TLN2: variants seen among roughly 807,000 people sequenced by gnomAD.
The protein encoded by TLN2 is talin 2.
In TLN2, 118 loss-of-function variants were observed where a neutral mutation model predicts 294.7. The observed-to-expected ratio is 0.40, with a 90% CI of 0.34 to 0.47. The LOEUF is 0.47. Ranked by LOEUF, TLN2 falls within the 20% of genes least tolerant of loss-of-function variation. TLN2 has a pLI of 0.84. For missense variants in TLN2, 3,083 were observed against 3,282.2 expected (o/e 0.94, Z 1.48); for synonymous variants, 1,431 against 1,304.5 (o/e 1.10, Z -2.09).
At chr15:62,710,945 C>T (rs2059393338) in intron 21 of TLN2, among the ~76,000 whole-genome samples, 1 of 151,890 alleles carries the variant, frequency 6.6e-6, no homozygotes, top group African/African-American at 2.4e-5. Context: ...CCAGGATGGT[C>T]TCGATCTCCT....
rs571183963 is a variant in TLN2 at position 62,690,473 on chromosome 15, G to A, written c.1114-2367G>A. On this transcript the variant is annotated intron_variant, in intron 12 of 58. Coordinates refer to ENST00000636159, the MANE Select transcript of TLN2 (RefSeq NM_015059.3). ...TGATGGCGGCCGGCCGGGAAGAGGC[G>A]CTCCTCACTTCTAGATGGGATGGCG... is the stretch of plus-strand genomic sequence containing the variant. The A allele has an allele frequency of 8.8e-4, 30 of 34,090 alleles. 2 individuals carry two copies. Among genetic ancestry groups the A allele is most frequent in the African/African-American group, 1.9e-3 (24 of 12,596 alleles). 2.1% of individuals were successfully genotyped at this position (34,090 alleles called of 1,614,324 possible). A position where few individuals can be genotyped will look rare whatever the true frequency, so the allele number is the denominator to read the frequency against.
chr15:62,416,386 A>C (rs909207885), intron 1 of TLN2, among the ~76,000 whole-genome samples: 6 of 152,224 alleles, frequency 3.9e-5, no homozygotes, highest in Admixed American at 3.9e-4. Flanking sequence ...GAAAGAACAC[A>C]ATCTTATTAT....
At chr15:62,681,563 T>A (rs1385868643) in intron 11 of TLN2, among the ~76,000 whole-genome samples, 1 of 152,154 alleles carries the variant, frequency 6.6e-6, no homozygotes, top group African/African-American at 2.4e-5. Context: ...TGCTTGCATG[T>A]TGGAGTTGGG....
chr15:62,665,372 A>AT (rs1421271535), intron 9 of TLN2, among the ~76,000 whole-genome samples: 1 of 152,218 alleles, frequency 6.6e-6, no homozygotes, highest in East Asian at 1.9e-4. Flanking sequence ...TTTTAAAAAA[A>AT]GGTGGTTGCA....
chr15:62,776,766 A>G lies in TLN2; in HGVS notation c.5370A>G (p.Ala1790=). Residue 1790 remains alanine, a splice_region_variant and synonymous_variant, in exon 43 of 59, where the codon GCA becomes GCG. Coordinates refer to ENST00000636159, the MANE Select transcript of TLN2 (RefSeq NM_015059.3). ...ATGTTTCACAATTCCCTTCTCAGGC[A>G]CAACACACCCATGACGCCATCACAG... The part of the protein sequence containing the change: ...AAKEGGGNPK[A]QHTHDAITEA... 6.6e-7 allele frequency: 1 copy of G among 1,525,360 alleles called. No individual in the cohort carries two copies. The highest frequency in any genetic ancestry group is 1.4e-5 in the African/African-American group (1 of 71,270). The allele number at this position is 1,525,360 out of a possible 1,614,324, so 94.5% of individuals were successfully genotyped here. A position where few individuals can be genotyped will look rare whatever the true frequency, so the allele number is the denominator to read the frequency against.
intron 1 of TLN2, among the ~76,000 whole-genome samples, chr15:62,582,246 A>ACACACACACCCC (rs764248336): frequency 0.017 from 2,299 of 137,256 alleles, 88 homozygotes; most frequent in East Asian, 0.026. Flanking sequence ...ACACACACAC[A>ACACACACACCCC]CATTCATGCC....
At chr15:62,543,780 T>TA (rs1405193978) in intron 1 of TLN2, among the ~76,000 whole-genome samples, 1 of 150,006 alleles carries the variant, frequency 6.7e-6, no homozygotes, top group African/African-American at 2.4e-5. Context: ...GATGGAGCTC[T>TA]AATACACGCC....
intron 1 of TLN2, among the ~76,000 whole-genome samples, chr15:62,422,429 C>T (rs389339): frequency 0.98 from 149,748 of 152,208 alleles, 73,704 homozygotes; most frequent in East Asian, 1. Flanking sequence ...TTCAGATTGT[C>T]TCTTGTGCAG....
At chr15:62,629,980 C>G (rs2049631007) in intron 3 of TLN2, among the ~76,000 whole-genome samples, 1 of 152,164 alleles carries the variant, frequency 6.6e-6, no homozygotes, top group Non-Finnish European at 1.5e-5. Flanking sequence ...TCTAGAGAAT[C>G]TCTTCTATGT....
chr15:62,837,870 T>A (rs1239338265), intron 57 of TLN2, among the ~76,000 whole-genome samples: 1 of 152,240 alleles, frequency 6.6e-6, no homozygotes, highest in East Asian at 1.9e-4. Flanking sequence ...GCAGTTAACT[T>A]TGAATGAGAA....
intron 1 of TLN2, among the ~76,000 whole-genome samples, chr15:62,522,703 A>T (rs976547131): frequency 1.3e-5 from 2 of 151,838 alleles, no homozygotes; most frequent in Non-Finnish European, 2.9e-5. Context: ...TTGCTGGTTT[A>T]TTCTGCCTTT....
In TLN2 at chr15:62,781,301, CT is replaced by C. The variant is rs892146325; in HGVS notation, c.5616+61del. The C allele has an allele frequency of 4.6e-5, 61 of 1,322,570 alleles. No homozygotes were observed. In the African/African-American group the frequency reaches 7.8e-4, roughly 17 times the overall value. 81.9% of individuals were successfully genotyped at this position (1,322,570 alleles called of 1,614,324 possible). ...TTTGCCTTTTTATCCACTGCCGCCG[CT>C]GAGCCTGCAAATCCCAGATCTGTGT... On this transcript the variant is annotated intron_variant, in intron 44 of 58. Coordinates refer to ENST00000636159, the MANE Select transcript of TLN2 (RefSeq NM_015059.3).
In TLN2 at chr15:62,841,377, G is replaced by GAGTC. The variant is rs1226551618; in HGVS notation, c.*769_*772dup. The GAGTC allele has an allele frequency of 1.3e-5, 2 of 152,318 alleles. No homozygotes were observed. The highest frequency in any genetic ancestry group is 4.8e-5 in the African/African-American group (2 of 41,462). 9.4% of individuals were successfully genotyped at this position (152,318 alleles called of 1,614,324 possible). ...TGCAGAGGCTGTTTCAGCTCACACA[G>GAGTC]AGTCATCCACACAAACCCACGGCTC... On this transcript the variant is annotated 3_prime_UTR_variant, in exon 59 of 59. Transcript: ENST00000636159.
At chr15:62,529,990 G>A (rs374630267) in intron 1 of TLN2, among the ~76,000 whole-genome samples, 1 of 152,114 alleles carries the variant, frequency 6.6e-6, no homozygotes, top group South Asian at 2.1e-4. Context: ...TCAGGAGTTC[G>A]AGACCAGCCT....
At chr15:62,510,002 G>GA (rs371334023) in intron 1 of TLN2, among the ~76,000 whole-genome samples, 55 of 151,374 alleles carry the variant, frequency 3.6e-4, no homozygotes, top group South Asian at 2.9e-3. Context: ...TAAGTCATGT[G>GA]AAAAAAAAAT....
chr15:62,777,990 A>T (rs139534517), intron 43 of TLN2, among the ~76,000 whole-genome samples: 1 of 152,238 alleles, frequency 6.6e-6, no homozygotes, highest in African/African-American at 2.4e-5. Flanking sequence ...GACATCGTCT[A>T]TGTTTTGAAA....
At chr15:62,446,556 T>C (rs1375778633) in intron 1 of TLN2, among the ~76,000 whole-genome samples, 1 of 152,200 alleles carries the variant, frequency 6.6e-6, no homozygotes, top group Non-Finnish European at 1.5e-5. Context: ...GTTCTAGTCA[T>C]GGTTCTACTG....
At chr15:62,567,334 G>A (rs2043485939) in intron 1 of TLN2, among the ~76,000 whole-genome samples, 1 of 152,236 alleles carries the variant, frequency 6.6e-6, no homozygotes, top group Non-Finnish European at 1.5e-5. Context: ...CTAGTTCAAG[G>A]CAGTGGACAT....
chr15:62,825,770 T>TTATATA (rs2068021141), intron 54 of TLN2, among the ~76,000 whole-genome samples: 2 of 42,856 alleles, frequency 4.7e-5, no homozygotes, highest in African/African-American at 1.9e-4. Context: ...TAATTATATA[T>TTATATA]TATATAATAT....
Sources: allele counts gnomAD v4.1 joint callset (sites outside exome capture counted in the v4.1 genomes callset), GRCh38; gene constraint gnomAD v4.1.1; transcripts MANE v1.5; gene names NCBI Gene and HGNC (gene_info 2026-07-23, HGNC 2026-07-21).